The following P2RY14 variants were observed in gnomAD, a reference collection of about 807,000 sequenced individuals.
The protein encoded by P2RY14 is purinergic receptor P2Y14.
In P2RY14, 2 loss-of-function variants were observed where a neutral mutation model predicts 0.9. The observed-to-expected ratio is 2.16, with a 90% CI of 0.88 to 6.79. The LOEUF (loss-of-function observed/expected upper bound fraction) is 6.79. Among genes scored for constraint, P2RY14 ranks in the 30% most tolerant of loss-of-function variants. The pLI is 0.05. For missense variants in P2RY14, 378 were observed against 400.1 expected, an observed-to-expected ratio of 0.94 and a Z score of 0.47; for synonymous variants, 158 against 147.2, an observed-to-expected ratio of 1.07 and a Z score of -0.53.
chr3:151,234,794 A>G (rs1732395475), intron 1 of P2RY14, among the ~76,000 whole-genome samples: 1 of 152,136 alleles, frequency 6.6e-6, no homozygotes, highest in Non-Finnish European at 1.5e-5. Context: ...ATGCCCATAT[A>G]ATGTGGACTA....
chr3:151,212,749 A>G lies in P2RY14; in HGVS notation c.*551T>C, dbSNP rs1727386429. ...TTGCAGTGCCATGAAATACATCAATAAGGGGTTTCTTAAGTGATTGTCTGG... is the reference window on the plus strand; with the variant it reads ...TTGCAGTGCCATGAAATACATCAATGAGGGGTTTCTTAAGTGATTGTCTGG... On this transcript the variant is annotated 3_prime_UTR_variant, in exon 3 of 3. Transcript: ENST00000309170. 6.6e-6 allele frequency: 1 copy of G among 152,038 alleles called. No homozygotes were observed. Among genetic ancestry groups the G allele is most frequent in the African/African-American group, 2.4e-5 (1 of 41,386 alleles). The allele number at this position is 152,038 out of a possible 1,614,324, so 9.4% of individuals were successfully genotyped here. A position where few individuals can be genotyped will look rare whatever the true frequency, so the allele number is the denominator to read the frequency against.
intron 1 of P2RY14, among the ~76,000 whole-genome samples, chr3:151,229,634 A>C (rs1035448345): frequency 2.0e-5 from 3 of 151,694 alleles, no homozygotes; most frequent in African/African-American, 7.3e-5. Flanking sequence ...GCCCACCACC[A>C]TGCCTGGCTT....
Position 151,232,982 on chromosome 3 carries a change from C to G in P2RY14, c.-132-13340G>C, listed in dbSNP as rs567351263. On this transcript the variant is annotated intron_variant, in intron 1 of 2. Coordinates refer to ENST00000309170, the MANE Select transcript of P2RY14 (RefSeq NM_014879.4). ...AAAACAAAATTTTCTTTTCACCTTT[C>G]AAATATTCTTCTAACAGCTATTACC... Among the ~76,000 whole-genome samples, 21 of 152,232 alleles carry G rather than the reference C, an allele frequency of 1.4e-4. No individual in the cohort carries two copies. The East Asian group carries it at 4.0e-3, about 29-fold the overall frequency.
At chr3:151,250,240 GA>G (rs1006348645) in intron 1 of P2RY14, among the ~76,000 whole-genome samples, 8 of 152,074 alleles carry the variant, frequency 5.3e-5, no homozygotes, top group Non-Finnish European at 1.0e-4. Flanking sequence ...CATTTTGAAA[GA>G]TTTTTTTTGT....
intron 1 of P2RY14, among the ~76,000 whole-genome samples, chr3:151,234,291 G>T (rs183522496): frequency 1.3e-5 from 2 of 152,342 alleles, no homozygotes; most frequent in Admixed American, 1.3e-4. Context: ...GCTTCAAGTG[G>T]TCCTGACAAG....
chr3:151,270,878 G>A (rs1740816376), intron 1 of P2RY14, among the ~76,000 whole-genome samples: 1 of 152,116 alleles, frequency 6.6e-6, no homozygotes, highest in African/African-American at 2.4e-5. Context: ...CACATTCTCT[G>A]TTGTACTTTT....
rs375136550 is a variant in P2RY14 at position 151,243,722 on chromosome 3, A to C, written c.-132-24080T>G. ...AACTGCATCAACTAACGAGCAAAAT[A>C]ACCAGCTAACATCATCATGACAGGA... On this transcript the variant is annotated intron_variant, in intron 1 of 2. Coordinates refer to ENST00000309170, the MANE Select transcript of P2RY14 (RefSeq NM_014879.4). 5.3e-3 allele frequency among the ~76,000 whole-genome samples: 800 copies of C among 152,072 alleles called. 10 individuals carry two copies. The highest frequency in any genetic ancestry group is 0.028 in the South Asian group (136 of 4,798).
At position 151,213,168 on chromosome 3, in the gene P2RY14, T is replaced by G; in HGVS notation, c.*132A>C. On this transcript the variant is annotated 3_prime_UTR_variant, in exon 3 of 3. Coordinates refer to ENST00000309170, the MANE Select transcript of P2RY14 (RefSeq NM_014879.4). ...AAAGCATGGAAACTTATATTTGAAT[T>G]TTATTGAACTAAATTGGATGGCAGT... is the stretch of plus-strand genomic sequence containing the variant. 3.0e-6 allele frequency: 2 copies of G among 677,444 alleles called. No individual in the cohort carries two copies. Among genetic ancestry groups the G allele is most frequent in the South Asian group, 5.0e-5 (2 of 40,350 alleles). The allele number at this position is 677,444 out of a possible 1,614,324, so 42.0% of individuals were successfully genotyped here. A position where few individuals can be genotyped will look rare whatever the true frequency, so the allele number is the denominator to read the frequency against.
At chr3:151,272,992 C>T (rs1741234002) in intron 1 of P2RY14, among the ~76,000 whole-genome samples, 1 of 152,024 alleles carries the variant, frequency 6.6e-6, no homozygotes, top group Admixed American at 6.6e-5. Context: ...ACATGACTCT[C>T]AAAAGAAATG....
chr3:151,226,414 G>A (rs898224296), intron 1 of P2RY14, among the ~76,000 whole-genome samples: 2 of 152,182 alleles, frequency 1.3e-5, no homozygotes, highest in Non-Finnish European at 2.9e-5. Flanking sequence ...GGACAGTGAT[G>A]CTTAAAATGG....
At chr3:151,261,978 C>T (rs1343911588) in intron 1 of P2RY14, among the ~76,000 whole-genome samples, 3 of 152,104 alleles carry the variant, frequency 2.0e-5, no homozygotes, top group Non-Finnish European at 2.9e-5. Flanking sequence ...TGACCCGCCT[C>T]GGCCTCCCAG....
At chr3:151,234,432 C>T (rs146430305) in intron 1 of P2RY14, among the ~76,000 whole-genome samples, 1 of 152,258 alleles carries the variant, frequency 6.6e-6, no homozygotes, top group Non-Finnish European at 1.5e-5. Flanking sequence ...CAGTTTACAG[C>T]CTTAATCAAT....
intron 1 of P2RY14, among the ~76,000 whole-genome samples, chr3:151,225,010 C>G (rs1293556066): frequency 6.6e-6 from 1 of 152,080 alleles, no homozygotes; most frequent in Non-Finnish European, 1.5e-5. Context: ...ATATTATTTA[C>G]TAGTGTTATT....
intron 1 of P2RY14, among the ~76,000 whole-genome samples, chr3:151,262,899 G>C (rs1403712782): frequency 6.6e-6 from 1 of 152,170 alleles, no homozygotes; most frequent in African/African-American, 2.4e-5. Context: ...AGTAAGGCTT[G>C]GTGAGGTTAA....
rs189331266 is a variant in P2RY14, at chr3:151,266,140, G to A, written c.-133+12147C>T. 2.0e-3 allele frequency among the ~76,000 whole-genome samples: 302 copies of A among 152,210 alleles called. 1 individual carries two copies. Among genetic ancestry groups the A allele is most frequent in the African/African-American group, 7.0e-3 (290 of 41,522 alleles). Reference sequence around the variant, plus strand: ...TTAGTGCTTTTGTTTGCAGCACAACGTTGTTACGGCAACTTTATGCTAATG... The same window carrying A: ...TTAGTGCTTTTGTTTGCAGCACAACATTGTTACGGCAACTTTATGCTAATG... On this transcript the variant is annotated intron_variant, in intron 1 of 2. Transcript: ENST00000309170.
At chr3:151,256,672 G>A (rs143728171) in intron 1 of P2RY14, among the ~76,000 whole-genome samples, 273 of 152,242 alleles carry the variant, frequency 1.8e-3, no homozygotes, top group African/African-American at 6.3e-3. Flanking sequence ...TGAGTTTCTC[G>A]TATTTTAAGA....
At chr3:151,272,313 C>T (rs1355426523) in intron 1 of P2RY14, among the ~76,000 whole-genome samples, 1 of 152,172 alleles carries the variant, frequency 6.6e-6, no homozygotes, top group Non-Finnish European at 1.5e-5. Context: ...AAAAATAAAA[C>T]AGGACATGTT....
chr3:151,256,849 G>GTT (rs527914597), intron 1 of P2RY14, among the ~76,000 whole-genome samples: 2 of 138,790 alleles, frequency 1.4e-5, no homozygotes, highest in East Asian at 2.1e-4. Flanking sequence ...AATGACAGAG[G>GTT]TTTTTTTTTT....
chr3:151,275,831 A>G (rs6768130), intron 1 of P2RY14, among the ~76,000 whole-genome samples: 73,205 of 151,892 alleles, frequency 0.48, 17,755 homozygotes, highest in Middle Eastern at 0.64. Context: ...AAGATAGGAT[A>G]TTTTTACTGA....
Sources: allele counts gnomAD v4.1 joint callset (sites outside exome capture counted in the v4.1 genomes callset), GRCh38; gene constraint gnomAD v4.1.1; transcripts MANE v1.5; gene names NCBI Gene and HGNC (gene_info 2026-07-23, HGNC 2026-07-21).